Variants in PTPRM observed in about 807,000 individuals in gnomAD.
The protein encoded by PTPRM is protein tyrosine phosphatase receptor type M, also known as receptor-type tyrosine-protein phosphatase mu.
PTPRM carries 47 observed loss-of-function variants against 186.7 expected under a neutral mutation model. The ratio of observed to expected loss-of-function variants is 0.25; its 90% CI spans 0.20 to 0.32. The LOEUF (loss-of-function observed/expected upper bound fraction) is 0.32. Among genes scored for constraint, PTPRM ranks in the 10% least tolerant of loss-of-function variants. The pLI, the probability that PTPRM is intolerant of heterozygous loss-of-function variation, is 1.00. For missense variants in PTPRM, 1,494 were observed against 1,865.0 expected (o/e 0.80, Z 3.66); for synonymous variants, 668 against 674.9 (o/e 0.99, Z 0.16).
At chr18:7,861,497 A>T (rs959297113) in intron 2 of PTPRM, among the ~76,000 whole-genome samples, 1 of 152,200 alleles carries the variant, frequency 6.6e-6, no homozygotes, top group Non-Finnish European at 1.5e-5. Context: ...ACTTGTACAT[A>T]ATCAGCATTT....
Position 7,917,016 on chromosome 18 carries a change from C to T in PTPRM, c.548-9552C>T, listed in dbSNP as rs34457854. Among the ~76,000 whole-genome samples, 942 of 152,258 alleles carry T rather than the reference C, an allele frequency of 6.2e-3. 15 individuals are homozygous for T. In the East Asian group the frequency reaches 0.063, roughly 10 times the overall value. ...GAGATCAACTTTATGATCTCTCTTA[C>T]ATGAGTGAGAATGTGGTATTTGTCC... is the stretch of plus-strand genomic sequence containing the variant. On this transcript the variant is annotated intron_variant, in intron 4 of 32. Transcript: ENST00000580170.
chr18:8,088,141 A>G (rs2090526512), intron 10 of PTPRM, among the ~76,000 whole-genome samples: 1 of 152,156 alleles, frequency 6.6e-6, no homozygotes, highest in Non-Finnish European at 1.5e-5. Flanking sequence ...GCTAATTAAA[A>G]CAAAACACAG....
chr18:7,889,435 C>T (rs1481948556), intron 3 of PTPRM, among the ~76,000 whole-genome samples: 3 of 149,242 alleles, frequency 2.0e-5, no homozygotes, highest in Admixed American at 6.8e-5. Context: ...CTCCTGGGCT[C>T]AAGTGATTCT....
chr18:7,580,237 G>C (rs1321396550), intron 1 of PTPRM, among the ~76,000 whole-genome samples: 1 of 152,134 alleles, frequency 6.6e-6, no homozygotes, highest in Non-Finnish European at 1.5e-5. Flanking sequence ...TTGGATCATT[G>C]GGTCATTTTT....
At chr18:7,937,803 A>G (rs960770440) in intron 5 of PTPRM, among the ~76,000 whole-genome samples, 1 of 152,208 alleles carries the variant, frequency 6.6e-6, no homozygotes. Context: ...CATTGTCGTC[A>G]TCAGCTTGTG....
At chr18:7,667,539 A>T (rs1323665483) in intron 1 of PTPRM, among the ~76,000 whole-genome samples, 2 of 152,264 alleles carry the variant, frequency 1.3e-5, no homozygotes, top group Non-Finnish European at 2.9e-5. Context: ...ATGGTTTTAC[A>T]TTTCTTAAAA....
chr18:8,335,483 T>C (rs1468617867), intron 22 of PTPRM, among the ~76,000 whole-genome samples: 1 of 152,242 alleles, frequency 6.6e-6, no homozygotes, highest in East Asian at 1.9e-4. Flanking sequence ...GAGTTTGATA[T>C]CGAAAACTTT....
intron 7 of PTPRM, among the ~76,000 whole-genome samples, chr18:7,956,680 G>A (rs1011022521): frequency 1.3e-5 from 2 of 152,142 alleles, no homozygotes; most frequent in Admixed American, 6.6e-5. Context: ...CCTGAGTGGT[G>A]GCTCTAAGGA....
intron 14 of PTPRM, among the ~76,000 whole-genome samples, chr18:8,171,416 A>G (rs983761244): frequency 6.6e-6 from 1 of 152,150 alleles, no homozygotes; most frequent in East Asian, 1.9e-4. Flanking sequence ...GAAATATTGA[A>G]CCAGATGCCA....
At chr18:8,280,542 C>G (rs894824727) in intron 19 of PTPRM, among the ~76,000 whole-genome samples, 1 of 152,092 alleles carries the variant, frequency 6.6e-6, no homozygotes, top group Non-Finnish European at 1.5e-5. Flanking sequence ...TGGTGGGTCC[C>G]CTGTGAATCA....
At chr18:8,361,515 A>G (rs1431885680) in intron 23 of PTPRM, among the ~76,000 whole-genome samples, 1 of 152,224 alleles carries the variant, frequency 6.6e-6, no homozygotes, top group East Asian at 1.9e-4. Context: ...ATAATAAACA[A>G]ACTTAAAAGA....
intron 1 of PTPRM, among the ~76,000 whole-genome samples, chr18:7,634,627 A>G: frequency 6.6e-6 from 1 of 152,218 alleles, no homozygotes; most frequent in East Asian, 1.9e-4. Flanking sequence ...CTTGTATAGC[A>G]TTTATCACAT....
intron 2 of PTPRM, among the ~76,000 whole-genome samples, chr18:7,842,947 T>TATATATAGAGAGAGAGAGAGAGAGAGAG (rs370746043): frequency 8.9e-6 from 1 of 112,118 alleles, no homozygotes; most frequent in African/African-American, 4.2e-5. Flanking sequence ...TATATATATA[T>TATATATAGAGAGAGAGAGAGAGAGAGAG]AGAGAGAGAG....
At chr18:7,709,837 C>G (rs1313736011) in intron 1 of PTPRM, among the ~76,000 whole-genome samples, 1 of 152,008 alleles carries the variant, frequency 6.6e-6, no homozygotes, top group Admixed American at 6.6e-5. Context: ...ATACAACCCT[C>G]CTAGAATAAA....
At chr18:8,234,946 T>C (rs1055237113) in intron 14 of PTPRM, among the ~76,000 whole-genome samples, 16 of 152,030 alleles carry the variant, frequency 1.1e-4, no homozygotes. Flanking sequence ...TACTTGGCCA[T>C]GGTGTATAAT....
At chr18:7,646,294 G>GTC (rs1387853072) in intron 1 of PTPRM, among the ~76,000 whole-genome samples, 1 of 152,170 alleles carries the variant, frequency 6.6e-6, no homozygotes, top group African/African-American at 2.4e-5. Context: ...TCATTGCAGA[G>GTC]TCACACACAC....
At chr18:8,265,113 G>T (rs944018089) in intron 19 of PTPRM, among the ~76,000 whole-genome samples, 24 of 152,192 alleles carry the variant, frequency 1.6e-4, no homozygotes, top group Non-Finnish European at 3.4e-4. Flanking sequence ...GCTTTGAACA[G>T]CGATTTGTTC....
At chr18:8,405,856 G>A (rs1416671827) in intron 32 of PTPRM, among the ~76,000 whole-genome samples, 1 of 152,186 alleles carries the variant, frequency 6.6e-6, no homozygotes, top group African/African-American at 2.4e-5. Context: ...CATATTTAGA[G>A]TTCCAAGTGT....
chr18:7,991,801 T>C lies in PTPRM; in HGVS notation c.1132+36387T>C, dbSNP rs563921021. On this transcript the variant is annotated intron_variant, in intron 7 of 32. Transcript: ENST00000580170. The stretch of plus-strand genomic sequence containing the variant: ...AGAAAAAAATGAGCAGTGAATGTTA[T>C]AAAGGCCCATAAGTTATGGGATGTG... Among the ~76,000 whole-genome samples, 19 of 152,212 alleles carry C rather than the reference T, an allele frequency of 1.2e-4. No homozygotes were observed. In the South Asian group the frequency reaches 3.9e-3, roughly 32 times the overall value.
Sources: allele counts gnomAD v4.1 joint callset (sites outside exome capture counted in the v4.1 genomes callset), GRCh38; gene constraint gnomAD v4.1.1; transcripts MANE v1.5; gene names NCBI Gene and HGNC (gene_info 2026-07-23, HGNC 2026-07-21).